PXDNL: variants seen among roughly 807,000 people sequenced by gnomAD.
PXDNL encodes probable oxidoreductase PXDNL.
In PXDNL, 145 loss-of-function variants were observed where a neutral mutation model predicts 150.8. That is an observed-to-expected ratio of 0.96 (90% confidence interval 0.84 to 1.10). The LOEUF is 1.10. Ranked by LOEUF, PXDNL falls within the 50% of genes least tolerant of loss-of-function variation. PXDNL has a pLI of 0.00. For missense variants in PXDNL, 2,087 were observed against 1,873.9 expected (o/e 1.11, Z -2.10); for synonymous variants, 757 against 725.7 (o/e 1.04, Z -0.69).
At chr8:51,488,734 T>C (rs551507666) in intron 5 of PXDNL, among the ~76,000 whole-genome samples, 1 of 152,302 alleles carries the variant, frequency 6.6e-6, no homozygotes, top group African/African-American at 2.4e-5. Flanking sequence ...ACACTACCAA[T>C]TGAAATGCTA....
chr8:51,320,099 T>A (rs945735406), intron 22 of PXDNL, 77 bp from the exon 23 acceptor site: 1 of 1,171,376 alleles, frequency 8.5e-7, no homozygotes, highest in Non-Finnish European at 1.1e-6. Flanking sequence ...ATGTTTCTTA[T>A]AATACATAAT....
At chr8:51,757,834 C>T (rs2037118576) in intron 1 of PXDNL, among the ~76,000 whole-genome samples, 1 of 152,152 alleles carries the variant, frequency 6.6e-6, no homozygotes, top group Non-Finnish European at 1.5e-5. Flanking sequence ...GCTGCTTCCG[C>T]CCCTTTTCTG....
chr8:51,589,562 T>G (rs7838984), intron 3 of PXDNL, among the ~76,000 whole-genome samples: 72,468 of 152,016 alleles, frequency 0.48, 21,560 homozygotes, highest in African/African-American at 0.85. Context: ...GAAGAACAAG[T>G]TATTGGAAGC....
chr8:51,531,314 T>C (rs1449110771), intron 4 of PXDNL, among the ~76,000 whole-genome samples: 4 of 152,244 alleles, frequency 2.6e-5, no homozygotes, highest in Non-Finnish European at 5.9e-5. Flanking sequence ...AAAATCTCCA[T>C]GTTCTCTAAC....
At chr8:51,348,286 A>G (rs956371251) in intron 19 of PXDNL, among the ~76,000 whole-genome samples, 1 of 152,222 alleles carries the variant, frequency 6.6e-6, no homozygotes, top group African/African-American at 2.4e-5. Context: ...TATTTACTTT[A>G]AAGCACCAAT....
intron 22 of PXDNL, 138 bp from the exon 23 acceptor site, chr8:51,320,160 C>T (rs1275503891): frequency 1.5e-6 from 1 of 687,970 alleles, no homozygotes; most frequent in Non-Finnish European, 2.1e-6. Flanking sequence ...AGTATGAGCT[C>T]ATTTTTGCAT....
Position 51,408,614 on chromosome 8 carries a change from T to C in PXDNL, c.3010A>G (p.Ile1004Val). The C allele has an allele frequency of 6.2e-7, 1 of 1,610,892 alleles. No individual in the cohort carries two copies. Among genetic ancestry groups the C allele is most frequent in the Non-Finnish European group, 8.5e-7 (1 of 1,178,642 alleles). ...ATGTGCTGCAGCTCCGCGCCCACGA[T>C]CTTCCTGGCTTCCTGGTAAACCGTG... Reference protein sequence around the residue: ...GNTVYQEARKIVGAELQHITY... With the variant: ...GNTVYQEARKVVGAELQHITY... The change falls in exon 17 of 23, where the codon ATC (isoleucine) becomes GTC (valine). Residue 1004 changes from isoleucine (I) to valine (V), a missense_variant. Ile to Val is a conservative substitution (Grantham distance 29). Coordinates refer to ENST00000356297, the MANE Select transcript of PXDNL (RefSeq NM_144651.5).
At chr8:51,544,865 A>T (rs920967223) in intron 4 of PXDNL, among the ~76,000 whole-genome samples, 4 of 152,274 alleles carry the variant, frequency 2.6e-5, no homozygotes, top group Non-Finnish European at 5.9e-5. Flanking sequence ...ATTTAATTTA[A>T]AATGGATGAT....
chr8:51,724,607 T>C (rs1264507524), intron 1 of PXDNL, among the ~76,000 whole-genome samples: 3 of 152,124 alleles, frequency 2.0e-5, no homozygotes, highest in African/African-American at 4.8e-5. Flanking sequence ...CGTGCCACCA[T>C]ACATAGTTCT....
intron 1 of PXDNL, among the ~76,000 whole-genome samples, chr8:51,771,867 C>T (rs1425016548): frequency 1.3e-5 from 2 of 152,162 alleles, no homozygotes; most frequent in African/African-American, 4.8e-5. Context: ...TACTGGTCCA[C>T]ACACGTGGTT....
intron 1 of PXDNL, among the ~76,000 whole-genome samples, chr8:51,784,557 T>C (rs1052618690): frequency 3.5e-4 from 54 of 152,224 alleles, no homozygotes; most frequent in Non-Finnish European, 6.2e-4. Context: ...TGAGTTGATG[T>C]ACTCCTCTCA....
chr8:51,472,487 T>C (rs1305442301), intron 7 of PXDNL, among the ~76,000 whole-genome samples, 183 bp from the exon 8 acceptor site: 2 of 152,206 alleles, frequency 1.3e-5, no homozygotes, highest in Non-Finnish European at 1.5e-5. Context: ...ACTTATACTT[T>C]AGAAGTTTGA....
intron 19 of PXDNL, among the ~76,000 whole-genome samples, chr8:51,352,117 C>T (rs915637292): frequency 2.0e-5 from 3 of 151,938 alleles, no homozygotes; most frequent in African/African-American, 7.3e-5. Flanking sequence ...GCACACTGCC[C>T]TCGACTTACT....
intron 1 of PXDNL, among the ~76,000 whole-genome samples, chr8:51,720,636 C>T (rs1424006631): frequency 6.6e-6 from 1 of 152,154 alleles, no homozygotes; most frequent in African/African-American, 2.4e-5. Context: ...TGAATAATCC[C>T]TAAATTCAAG....
chr8:51,696,657 CCACACACAGGTCCACACACATCCA>C (rs1816135414), intron 1 of PXDNL, among the ~76,000 whole-genome samples: 1 of 3,186 alleles, frequency 3.1e-4, no homozygotes, highest in Non-Finnish European at 7.1e-4. Context: ...CCACACACAT[CCACACACAGGTCCACACACATCCA>C]CACACACAGG....
At chr8:51,778,869 A>C (rs1274257429) in intron 1 of PXDNL, among the ~76,000 whole-genome samples, 1 of 152,154 alleles carries the variant, frequency 6.6e-6, no homozygotes, top group East Asian at 1.9e-4. Flanking sequence ...TTCCTTTCCA[A>C]CAGTATGCTC....
intron 2 of PXDNL, among the ~76,000 whole-genome samples, chr8:51,638,788 T>C (rs1814668815): frequency 6.6e-6 from 1 of 152,054 alleles, no homozygotes; most frequent in African/African-American, 2.4e-5. Context: ...ATTAGACAGA[T>C]CAACGAGACA....
chr8:51,506,743 T>C (rs1463464146), intron 4 of PXDNL, among the ~76,000 whole-genome samples: 1 of 152,054 alleles, frequency 6.6e-6, no homozygotes, highest in South Asian at 2.1e-4. Flanking sequence ...TGTTGAATTA[T>C]TTGGTGGTTC....
rs571910552 is a variant in PXDNL at position 51,765,399 on chromosome 8, G to A, written c.164+43782C>T. Among the ~76,000 whole-genome samples the A allele has an allele frequency of 7.2e-5, 11 of 152,220 alleles. No individual in the cohort carries two copies. The South Asian group carries it at 1.7e-3, about 23-fold the overall frequency. On this transcript the variant is annotated intron_variant, in intron 1 of 22. Transcript: ENST00000356297. The stretch of plus-strand genomic sequence containing the variant: ...ATGATTATGAGGCCTCCCCAGCCAC[G>A]CAGAACTGTGAGTCCATTAAATCTC...
Sources: gnomAD v4.1 joint callset for allele counts (sites outside exome capture counted in the v4.1 genomes callset) on GRCh38, gnomAD v4.1.1 for gene constraint, MANE v1.5 for transcripts, NCBI Gene and HGNC (gene_info 2026-07-23, HGNC 2026-07-21) for gene names.